The following RGS6 variants were observed in gnomAD, a reference collection of about 807,000 sequenced individuals.
RGS6 encodes the protein regulator of G protein signaling 6.
RGS6 carries 30 observed loss-of-function variants against 78.5 expected under a neutral mutation model. The observed-to-expected ratio is 0.38, with a 90% CI of 0.29 to 0.52. The LOEUF (loss-of-function observed/expected upper bound fraction) is 0.52, where lower values mean the gene tolerates loss of function less well. RGS6 is among the 20% of genes least tolerant of loss of function. The pLI, the probability that RGS6 is intolerant of heterozygous loss-of-function variation, is 0.85. For synonymous variants in RGS6, 206 were observed against 206.0 expected, an observed-to-expected ratio of 1.00 and a Z score of 0.00; for missense variants, 495 against 609.7, an observed-to-expected ratio of 0.81 and a Z score of 1.98.
intron 12 of RGS6, among the ~76,000 whole-genome samples, chr14:72,493,265 C>G (rs1369904531): frequency 1.3e-5 from 2 of 152,120 alleles, no homozygotes; most frequent in African/African-American, 4.8e-5. Context: ...AATTCAACAA[C>G]TGGAAGAAAC....
chr14:72,510,566 A>G (rs931001811), intron 14 of RGS6, among the ~76,000 whole-genome samples: 4 of 152,250 alleles, frequency 2.6e-5, no homozygotes, highest in Non-Finnish European at 4.4e-5. Context: ...GGATTTGACA[A>G]CATCATTCAT....
At chr14:72,385,895 C>T (rs533378833) in intron 3 of RGS6, among the ~76,000 whole-genome samples, 4 of 152,204 alleles carry the variant, frequency 2.6e-5, no homozygotes, top group African/African-American at 7.2e-5. Context: ...TAGTCATGAA[C>T]GAGGGTGGAA....
intron 2 of RGS6, among the ~76,000 whole-genome samples, chr14:72,051,064 T>A (rs1279219419): frequency 6.6e-6 from 1 of 152,178 alleles, no homozygotes; most frequent in Non-Finnish European, 1.5e-5. Flanking sequence ...AAAATGGTGA[T>A]CAGATGATTT....
In RGS6 at chr14:72,242,846, T is replaced by TC. The variant is rs1334404646; in HGVS notation, c.85-109249_85-109248insC. ...TCCAACTTCATTTCTTTTCTTTTTT[T>TC]TTTTTTTTTTTTTTTTTTTTGAGAT... On this transcript the variant is annotated intron_variant, in intron 2 of 17. Transcript: ENST00000553525. 6.3e-3 allele frequency among the ~76,000 whole-genome samples: 795 copies of TC among 126,972 alleles called. 8 individuals are homozygous for TC. Among genetic ancestry groups the TC allele is most frequent in the African/African-American group, 0.022 (750 of 34,034 alleles). 83.3% of individuals were successfully genotyped at this position (126,972 alleles called of 152,430 possible).
At chr14:71,930,820 T>C (rs1197742148), upstream of RGS6, among the ~76,000 whole-genome samples, 1 of 149,636 alleles carries the variant, frequency 6.7e-6, no homozygotes, top group Non-Finnish European at 1.5e-5. Context: ...CCATCTCTAC[T>C]GAAAACACAC....
intron 2 of RGS6, among the ~76,000 whole-genome samples, chr14:72,301,162 A>C (rs2065966547): frequency 1.3e-5 from 2 of 152,240 alleles, no homozygotes; most frequent in South Asian, 4.1e-4. Flanking sequence ...CAGAAAGAAC[A>C]GTATCAACAT....
chr14:72,437,167 CAA>C lies in RGS6; in HGVS notation c.185-17338_185-17337del, dbSNP rs71109735. Among the ~76,000 whole-genome samples the C allele has an allele frequency of 6.5e-3, 486 of 75,022 alleles. 2 individuals are homozygous for C. Among genetic ancestry groups the C allele is most frequent in the African/African-American group, 0.02 (345 of 17,040 alleles). 49.2% of individuals were successfully genotyped at this position (75,022 alleles called of 152,430 possible). On this transcript the variant is annotated intron_variant, in intron 3 of 17. Coordinates refer to ENST00000553525, the MANE Select transcript of RGS6 (RefSeq NM_001204424.2). ...TGAAACCCCGTCTTTACTAAAAATACAAAAAAAAAAAAAAAAAAAAAAAATTA... is the reference window on the plus strand; with the variant it reads ...TGAAACCCCGTCTTTACTAAAAATACAAAAAAAAAAAAAAAAAAAAAATTA...
intron 14 of RGS6, among the ~76,000 whole-genome samples, chr14:72,515,363 G>A (rs1269502482): frequency 6.6e-6 from 1 of 152,090 alleles, no homozygotes; most frequent in African/African-American, 2.4e-5. Context: ...TTACATAAAA[G>A]TTTATTAAAT....
chr14:72,539,927 G>C, intron 16 of RGS6, 114 bp from the exon 17 acceptor site: 14 of 892,904 alleles, frequency 1.6e-5, no homozygotes, highest in Non-Finnish European at 2.3e-5. Context: ...GCCCCATTTT[G>C]CTTTGGTTTT....
At chr14:72,561,421 T>G (rs2097674930) in intron 17 of RGS6, among the ~76,000 whole-genome samples, 1 of 152,216 alleles carries the variant, frequency 6.6e-6, no homozygotes, top group African/African-American at 2.4e-5. Flanking sequence ...TGCCTGGGTC[T>G]AGCCATACTG....
At chr14:71,883,043 T>G in the RGS6 span, among the ~76,000 whole-genome samples, 1 of 152,228 alleles carries the variant, frequency 6.6e-6, no homozygotes, top group South Asian at 2.1e-4. Context: ...CAGTGTTTCC[T>G]TTTTCAGGGG....
At chr14:71,905,261 T>C in the RGS6 span, among the ~76,000 whole-genome samples, 14 of 152,208 alleles carry the variant, frequency 9.2e-5, no homozygotes, top group African/African-American at 3.4e-4. Flanking sequence ...TTCATTCACT[T>C]AGCTGGAAAA....
intron 15 of RGS6, among the ~76,000 whole-genome samples, chr14:72,534,699 CTCTG>C (rs578117772): frequency 4.6e-5 from 7 of 152,128 alleles, no homozygotes; most frequent in Non-Finnish European, 1.0e-4. Context: ...CTTGTCATTG[CTCTG>C]TCTTTTTCTG....
intron 2 of RGS6, among the ~76,000 whole-genome samples, chr14:72,304,980 C>A (rs758112680): frequency 6.6e-6 from 1 of 152,194 alleles, no homozygotes; most frequent in Admixed American, 6.5e-5. Context: ...TATTTCCCCA[C>A]ATCCTCATCA....
chr14:72,293,831 A>G (rs1026131616), intron 2 of RGS6, among the ~76,000 whole-genome samples: 2 of 152,176 alleles, frequency 1.3e-5, no homozygotes, highest in Admixed American at 6.5e-5. Context: ...CAACTATTCA[A>G]CTCTGCTCTT....
At chr14:72,298,293 A>G (rs559394842) in intron 2 of RGS6, among the ~76,000 whole-genome samples, 56 of 152,148 alleles carry the variant, frequency 3.7e-4, no homozygotes, top group African/African-American at 1.3e-3. Context: ...GATGTTAAAC[A>G]GCCTTTCATT....
At chr14:72,281,996 T>C (rs569566715) in intron 2 of RGS6, among the ~76,000 whole-genome samples, 1 of 152,218 alleles carries the variant, frequency 6.6e-6, no homozygotes, top group Non-Finnish European at 1.5e-5. Flanking sequence ...TCACTGTGGC[T>C]GCTATAAAAC....
At chr14:72,560,664 C>T (rs1040821366) in intron 17 of RGS6, among the ~76,000 whole-genome samples, 21 of 152,164 alleles carry the variant, frequency 1.4e-4, no homozygotes, top group African/African-American at 5.1e-4. Flanking sequence ...CAAAGACTGA[C>T]ACCATAACCC....
chr14:72,104,243 G>C (rs933944401), intron 2 of RGS6, among the ~76,000 whole-genome samples: 1 of 152,102 alleles, frequency 6.6e-6, no homozygotes, highest in Non-Finnish European at 1.5e-5. Flanking sequence ...GCTGTCCCAC[G>C]TTGTCTTGCT....
Sources: gnomAD v4.1 joint callset for allele counts (sites outside exome capture counted in the v4.1 genomes callset) on GRCh38, gnomAD v4.1.1 for gene constraint, MANE v1.5 for transcripts, NCBI Gene and HGNC (gene_info 2026-07-23, HGNC 2026-07-21) for gene names.